ZNF331: variants seen among roughly 807,000 people sequenced by gnomAD.
ZNF331 encodes the protein C2H2-like zinc finger protein rearranged in thyroid adenomas.
A neutral mutation model predicts 7.0 loss-of-function variants in ZNF331; 2 were observed. The observed-to-expected ratio is 0.29, with a 90% CI of 0.12 to 0.90. ZNF331 has a LOEUF of 0.90. ZNF331 is among the 40% of genes least tolerant of loss of function. ZNF331 has a pLI of 0.58. For synonymous variants in ZNF331, 196 were observed against 205.4 expected, an observed-to-expected ratio of 0.95 and a Z score of 0.39; for missense variants, 432 against 587.7, an observed-to-expected ratio of 0.74 and a Z score of 2.74.
intron 3 of ZNF331, among the ~76,000 whole-genome samples, chr19:53,565,962 A>G (rs926125378): frequency 7.9e-5 from 12 of 152,194 alleles, no homozygotes; most frequent in Admixed American, 6.6e-4. Context: ...AAATAGGTGC[A>G]CTGAAATGAA....
At position 53,539,156 on chromosome 19, in the gene ZNF331, A is replaced by G. The variant is rs1016170508; in HGVS notation, c.-204-60A>G. The G allele has an allele frequency of 6.6e-6, 1 of 151,992 alleles. No individual in the cohort carries two copies. Among genetic ancestry groups the G allele is most frequent in the Non-Finnish European group, 1.5e-5 (1 of 68,026 alleles). The allele number at this position is 151,992 out of a possible 1,614,324, so 9.4% of individuals were successfully genotyped here. A position where few individuals can be genotyped will look rare whatever the true frequency, so the allele number is the denominator to read the frequency against. ...CAGAAACTCCATCTCGGGGCCTCGT[A>G]TTTCTCATTGGTTTTATTAGGTATG... On this transcript the variant is annotated intron_variant, in intron 1 of 5. Coordinates refer to ENST00000449416, the MANE Select transcript of ZNF331 (RefSeq NM_001079906.2). The surrounding 1 kb of genome is among the most constrained non-coding windows in gnomAD (Gnocchi z 6.1).
upstream of ZNF331, among the ~76,000 whole-genome samples, chr19:53,517,813 G>C (rs2086939203): frequency 6.6e-6 from 1 of 152,170 alleles, no homozygotes; most frequent in Non-Finnish European, 1.5e-5. Context: ...AGGCCCGAGA[G>C]CCCCCAGCAA....
intron 3 of ZNF331, among the ~76,000 whole-genome samples, chr19:53,557,561 T>C (rs1453350226): frequency 6.6e-6 from 1 of 152,222 alleles, no homozygotes; most frequent in African/African-American, 2.4e-5. Context: ...CTTAGTTTTG[T>C]CAGGTATCTT....
intron 5 of ZNF331, among the ~76,000 whole-genome samples, chr19:53,574,786 C>G (rs948456350): frequency 6.6e-6 from 1 of 152,224 alleles, no homozygotes; most frequent in Non-Finnish European, 1.5e-5. Flanking sequence ...GCGCCTATCA[C>G]TGCCCCTTCA....
the ZNF331 span, chr19:53,512,024 T>TTC: frequency 6.6e-6 from 1 of 152,364 alleles, no homozygotes; most frequent in Admixed American, 6.5e-5. Context: ...TGGAGGAATC[T>TTC]GAGAAGGGGC....
intron 2 of ZNF331, chr19:53,523,228 T>A (rs1361943996): frequency 1.3e-5 from 2 of 151,956 alleles, no homozygotes; most frequent in Admixed American, 6.5e-5. Context: ...CTATATTTTT[T>A]TTTTATTTTT....
intron 2 of ZNF331, among the ~76,000 whole-genome samples, chr19:53,526,188 C>T (rs1568459627): frequency 6.6e-6 from 1 of 152,074 alleles, no homozygotes; most frequent in Non-Finnish European, 1.5e-5. Flanking sequence ...TAGTATCTTG[C>T]TGAGGATTTT....
intron 2 of ZNF331, among the ~76,000 whole-genome samples, chr19:53,551,177 C>T (rs545466126): frequency 1.7e-4 from 26 of 152,196 alleles, no homozygotes; most frequent in African/African-American, 5.1e-4. Context: ...CTCCTTATAA[C>T]GGGATTAATG....
In ZNF331 at chr19:53,579,729, A is replaced by G. The variant is rs1444233515; in HGVS notation, c.*1777A>G. 5.1e-6 allele frequency: 1 copy of G among 197,226 alleles called. No individual in the cohort carries two copies. Among genetic ancestry groups the G allele is most frequent in the East Asian group, 8.0e-5 (1 of 12,560 alleles). 12.2% of individuals were successfully genotyped at this position (197,226 alleles called of 1,614,324 possible). On this transcript the variant is annotated 3_prime_UTR_variant, in exon 6 of 6. Coordinates refer to ENST00000449416, the MANE Select transcript of ZNF331 (RefSeq NM_001079906.2). The stretch of plus-strand genomic sequence containing the variant: ...TACGCAATGATTTCTTAGTACACAA[A>G]ACACAGCAAACATAAAAAGTTGTTA...
rs527394740 is a variant in ZNF331, at chr19:53,573,440, G to A, written c.136+1710G>A. On this transcript the variant is annotated intron_variant, in intron 5 of 5. Coordinates refer to ENST00000449416, the MANE Select transcript of ZNF331 (RefSeq NM_001079906.2). This position sits in a 1 kb window ranked among gnomAD's most constrained non-coding sequence, Gnocchi z 4.2. Reference sequence around the variant, plus strand: ...TGAGGCAGGAGAATCACTTGAACCCGGGAGGTAGAGGTATAGCATTTCTTT... The same window carrying A: ...TGAGGCAGGAGAATCACTTGAACCCAGGAGGTAGAGGTATAGCATTTCTTT... Among the ~76,000 whole-genome samples, 50 of 152,174 alleles carry A rather than the reference G, an allele frequency of 3.3e-4. No homozygotes were observed. Among genetic ancestry groups the A allele is most frequent in the African/African-American group, 1.2e-3 (48 of 41,524 alleles).
In ZNF331 at chr19:53,539,364, T is replaced by G. The variant is rs1046787010; in HGVS notation, c.-138+82T>G. ...AACATTAAAGGTAGATGACCAAGATTTGAGTCCTGTTTCTGCCTCTTAGCT... is the reference window on the plus strand; with the variant it reads ...AACATTAAAGGTAGATGACCAAGATGTGAGTCCTGTTTCTGCCTCTTAGCT... On this transcript the variant is annotated intron_variant, in intron 2 of 5. Coordinates refer to ENST00000449416, the MANE Select transcript of ZNF331 (RefSeq NM_001079906.2). This position sits in a 1 kb window ranked among gnomAD's most constrained non-coding sequence, Gnocchi z 6.1. 6.6e-6 allele frequency: 1 copy of G among 152,194 alleles called. No homozygotes were observed. The highest frequency in any genetic ancestry group is 2.4e-5 in the African/African-American group (1 of 41,454). The allele number at this position is 152,194 out of a possible 1,614,324, so 9.4% of individuals were successfully genotyped here.
At chr19:53,536,733 C>A (rs1168152029), upstream of ZNF331, among the ~76,000 whole-genome samples, 1 of 152,132 alleles carries the variant, frequency 6.6e-6, no homozygotes, top group Non-Finnish European at 1.5e-5. Context: ...AACCCCGTCT[C>A]TTCTAAAAAT....
chr19:53,525,365 A>G (rs190274473), intron 2 of ZNF331, among the ~76,000 whole-genome samples: 43 of 152,218 alleles, frequency 2.8e-4, no homozygotes, highest in African/African-American at 1.0e-3. Flanking sequence ...CGGTATGGCC[A>G]TTTTCACGAT....
rs1192627697 is a variant in ZNF331 at position 53,560,989 on chromosome 19, C to A, written c.-74+5081C>A. 1.3e-5 allele frequency among the ~76,000 whole-genome samples: 2 copies of A among 152,064 alleles called. No individual in the cohort carries two copies. Among genetic ancestry groups the A allele is most frequent in the East Asian group, 3.8e-4 (2 of 5,196 alleles). On this transcript the variant is annotated intron_variant, in intron 3 of 5. Transcript: ENST00000449416. This position sits in a 1 kb window ranked among gnomAD's most constrained non-coding sequence, Gnocchi z 4.3. ...AGGTGGGCAAAGTGGCAAGATCCCA[C>A]CTCTACAAAAATACAAAAGTTAGCC...
chr19:53,563,001 A>C (rs1027879300), intron 3 of ZNF331, among the ~76,000 whole-genome samples: 5 of 151,894 alleles, frequency 3.3e-5, no homozygotes, highest in Non-Finnish European at 7.4e-5. Flanking sequence ...AAAACAAAAA[A>C]CAAAAAACCA....
At position 53,579,954 on chromosome 19, in the gene ZNF331, A is replaced by G. The variant is rs2090864730; in HGVS notation, c.*2002A>G. On this transcript the variant is annotated 3_prime_UTR_variant, in exon 6 of 6. Transcript: ENST00000449416. Reference sequence around the variant, plus strand: ...AAACTTCAGCACGTCTCAACAGAAGACCACCAAATGGCCAATAAGTAAGTG... The same window carrying G: ...AAACTTCAGCACGTCTCAACAGAAGGCCACCAAATGGCCAATAAGTAAGTG... 4.8e-6 allele frequency: 1 copy of G among 206,976 alleles called. No individual in the cohort carries two copies. The highest frequency in any genetic ancestry group is 7.4e-5 in the East Asian group (1 of 13,568). The allele number at this position is 206,976 out of a possible 1,614,324, so 12.8% of individuals were successfully genotyped here.
At chr19:53,525,872 A>G (rs773752304) in intron 2 of ZNF331, among the ~76,000 whole-genome samples, 1 of 152,064 alleles carries the variant, frequency 6.6e-6, no homozygotes, top group Non-Finnish European at 1.5e-5. Flanking sequence ...TGTTCCTGAT[A>G]TTTCAACTTT....
chr19:53,504,678 A>C, the ZNF331 span, among the ~76,000 whole-genome samples: 1 of 152,236 alleles, frequency 6.6e-6, no homozygotes. Flanking sequence ...ATTTTCTCAG[A>C]TCCAGAAATC....
chr19:53,526,543 C>T (rs73049557), intron 2 of ZNF331, among the ~76,000 whole-genome samples: 11,027 of 147,480 alleles, frequency 0.075, 528 homozygotes, highest in Non-Finnish European at 0.11. Flanking sequence ...AATTTTTTGG[C>T]GTAGAAATTT....
Sources: allele counts gnomAD v4.1 joint callset (sites outside exome capture counted in the v4.1 genomes callset), GRCh38; gene constraint gnomAD v4.1.1; non-coding constraint Gnocchi (gnomAD v3.1); transcripts MANE v1.5; gene names NCBI Gene and HGNC (gene_info 2026-07-23, HGNC 2026-07-21).